The following MAF variants were observed in gnomAD, a reference collection of about 807,000 sequenced individuals.
The protein encoded by MAF is MAF bZIP transcription factor, also known as transcription factor Maf.
Under a neutral mutation model 22.0 loss-of-function variants are expected in MAF, and 10 were observed. The observed-to-expected ratio is 0.45, with a 90% CI of 0.28 to 0.77. MAF has a LOEUF of 0.77. Among genes scored for constraint, MAF ranks in the 30% least tolerant of loss-of-function variants. MAF has a pLI of 0.12. For synonymous variants in MAF, 337 were observed against 255.8 expected, an observed-to-expected ratio of 1.32 and a Z score of -3.03; for missense variants, 544 against 548.4, an observed-to-expected ratio of 0.99 and a Z score of 0.08.
the MAF span, among the ~76,000 whole-genome samples, chr16:79,462,450 GTT>G: frequency 2.3e-3 from 348 of 152,286 alleles, 1 homozygote; most frequent in African/African-American, 8.0e-3. Flanking sequence ...ATTGCTCTGA[GTT>G]TAATGTCTAA....
chr16:79,433,091 A>G, the MAF span, among the ~76,000 whole-genome samples: 16 of 152,146 alleles, frequency 1.1e-4, no homozygotes, highest in Admixed American at 1.3e-4. Context: ...TCTGGGGCTC[A>G]GCAAAGCTAC....
chr16:79,292,649 G>C, the MAF span, among the ~76,000 whole-genome samples: 2 of 152,068 alleles, frequency 1.3e-5, no homozygotes, highest in African/African-American at 4.8e-5. Flanking sequence ...GAGACCTATG[G>C]GGCTGCATTC....
At chr16:79,497,553 G>A in the MAF span, among the ~76,000 whole-genome samples, 1 of 152,208 alleles carries the variant, frequency 6.6e-6, no homozygotes, top group Non-Finnish European at 1.5e-5. Flanking sequence ...AACTCTGCCA[G>A]GAGGAAGGGA....
the MAF span, among the ~76,000 whole-genome samples, chr16:79,513,980 T>G: frequency 5.5e-4 from 83 of 152,262 alleles, no homozygotes; most frequent in Non-Finnish European, 9.6e-4. Flanking sequence ...AAAGAACACC[T>G]TCCCCCCACC....
chr16:79,599,917 C>CGCG lies in MAF; in HGVS notation c.-16_-15insCGC, dbSNP rs1913902950. ...TCTGATGCCATTCTCCTGCCGCCGC[C>CGCG]GCCGCCGCCGCCGCCGCTCCGCCAG... On this transcript the variant is annotated 5_prime_UTR_variant, in exon 1 of 2. Transcript: ENST00000326043. The CGCG allele has an allele frequency of 1.9e-6, 3 of 1,553,488 alleles. No individual in the cohort carries two copies. The highest frequency in any genetic ancestry group is 1.7e-6 in the Non-Finnish European group (2 of 1,149,004).
At chr16:79,546,184 A>G in the MAF span, among the ~76,000 whole-genome samples, 2 of 152,190 alleles carry the variant, frequency 1.3e-5, no homozygotes, top group Non-Finnish European at 2.9e-5. Context: ...AAAGGACAAA[A>G]AAGTTCTATC....
the MAF span, among the ~76,000 whole-genome samples, chr16:79,230,667 C>T: frequency 6.6e-6 from 1 of 152,104 alleles, no homozygotes; most frequent in South Asian, 2.1e-4. Context: ...AAGAAATTAA[C>T]CAAGTATACG....
the MAF span, among the ~76,000 whole-genome samples, chr16:79,315,023 G>T: frequency 6.6e-6 from 1 of 152,218 alleles, no homozygotes; most frequent in Admixed American, 6.5e-5. Context: ...GGCCCTTGCT[G>T]TGTGCTACAT....
the MAF span, among the ~76,000 whole-genome samples, chr16:79,385,713 C>A: frequency 6.6e-6 from 1 of 151,994 alleles, no homozygotes. Flanking sequence ...TGAGCCTGGC[C>A]AACATGGCAA....
chr16:79,562,658 T>G, the MAF span, among the ~76,000 whole-genome samples: 5 of 152,144 alleles, frequency 3.3e-5, no homozygotes, highest in Non-Finnish European at 1.5e-5. Context: ...CAGGCTGAAG[T>G]GCCAAGATCT....
the MAF span, among the ~76,000 whole-genome samples, chr16:79,210,828 G>A: frequency 3.0e-4 from 45 of 152,040 alleles, no homozygotes; most frequent in African/African-American, 1.1e-3. Context: ...AGCCACAGCC[G>A]CAACTGTTAC....
At chr16:79,586,285 G>A (rs1912835106) in intron 1 of MAF, among the ~76,000 whole-genome samples, 1 of 151,700 alleles carries the variant, frequency 6.6e-6, no homozygotes, top group Non-Finnish European at 1.5e-5. Context: ...TGGGTTCATA[G>A]AAGGGAAGGA....
At chr16:79,423,232 G>A in the MAF span, among the ~76,000 whole-genome samples, 14 of 152,148 alleles carry the variant, frequency 9.2e-5, no homozygotes, top group Admixed American at 9.2e-4. Flanking sequence ...AAATTTAACT[G>A]GGTGTCCTGT....
the MAF span, among the ~76,000 whole-genome samples, chr16:79,534,709 A>C: frequency 4.9e-4 from 75 of 152,208 alleles, no homozygotes; most frequent in Non-Finnish European, 8.4e-4. Flanking sequence ...CATGTTGTGC[A>C]CATGTACCCT....
chr16:79,368,208 C>G, the MAF span, among the ~76,000 whole-genome samples: 1 of 152,158 alleles, frequency 6.6e-6, no homozygotes, highest in Non-Finnish European at 1.5e-5. Flanking sequence ...CGTCTGGGAG[C>G]TGATGCTTTC....
At chr16:79,221,905 G>C in the MAF span, among the ~76,000 whole-genome samples, 14 of 152,066 alleles carry the variant, frequency 9.2e-5, no homozygotes, top group African/African-American at 3.4e-4. Context: ...CCACTGCTTT[G>C]TTTTTGTCTT....
At chr16:79,210,652 T>C in the MAF span, among the ~76,000 whole-genome samples, 7 of 152,184 alleles carry the variant, frequency 4.6e-5, no homozygotes, top group Non-Finnish European at 8.8e-5. Flanking sequence ...ATAAACTGTA[T>C]TGGTTTTAAA....
chr16:79,252,710 G>C, the MAF span, among the ~76,000 whole-genome samples: 1 of 152,098 alleles, frequency 6.6e-6, no homozygotes, highest in Non-Finnish European at 1.5e-5. Context: ...GGCTGGCCTT[G>C]AACTCCTGAC....
chr16:79,517,684 C>G, the MAF span, among the ~76,000 whole-genome samples: 2 of 150,714 alleles, frequency 1.3e-5, no homozygotes, highest in African/African-American at 4.9e-5. Context: ...CAGTGATTCT[C>G]CTGCCTCAGC....
Sources: allele counts gnomAD v4.1 joint callset (sites outside exome capture counted in the v4.1 genomes callset), GRCh38; gene constraint gnomAD v4.1.1; transcripts MANE v1.5; gene names NCBI Gene and HGNC (gene_info 2026-07-23, HGNC 2026-07-21).